The following CR1L variants were observed in gnomAD, a reference collection of about 807,000 sequenced individuals.
CR1L encodes complement component receptor 1-like protein.
Under a neutral mutation model 62.3 loss-of-function variants are expected in CR1L, and 59 were observed. The observed-to-expected ratio is 0.95, with a 90% confidence interval of 0.77 to 1.18. The LOEUF is 1.18. Among genes scored for constraint, CR1L ranks in the 50% most tolerant of loss-of-function variants. The pLI is 0.00. For missense variants in CR1L, 700 were observed against 702.8 expected, an observed-to-expected ratio of 1.00 and a Z score of 0.04; for synonymous variants, 279 against 248.7, an observed-to-expected ratio of 1.12 and a Z score of -1.15.
At chr1:207,691,782 T>C (rs927829899) in intron 4 of CR1L, among the ~76,000 whole-genome samples, 1 of 152,228 alleles carries the variant, frequency 6.6e-6, no homozygotes, top group Non-Finnish European at 1.5e-5. Context: ...TTAATTCCAT[T>C]TGTGTCCTCC....
intron 4 of CR1L, among the ~76,000 whole-genome samples, chr1:207,690,363 A>G (rs1663978847): frequency 6.6e-6 from 1 of 152,154 alleles, no homozygotes; most frequent in African/African-American, 2.4e-5. Flanking sequence ...GGCATTGCTT[A>G]ATTTCTAAAT....
chr1:207,701,867 A>G lies in CR1L; in HGVS notation c.1328+249A>G. On this transcript the variant is annotated intron_variant, in intron 9 of 11. Transcript: ENST00000508064. Reference sequence around the variant, plus strand: ...CACTGGATGGGAAGGAAAAAAAATTAGGAGTATAGTAGTCAAAGCACACAA... The same window carrying G: ...CACTGGATGGGAAGGAAAAAAAATTGGGAGTATAGTAGTCAAAGCACACAA... 12 of 654,296 alleles carry G rather than the reference A, an allele frequency of 1.8e-5. No individual in the cohort carries two copies. The South Asian group carries it at 1.8e-4, about 10-fold the overall frequency. The allele number at this position is 654,296 out of a possible 1,614,324, so 40.5% of individuals were successfully genotyped here. A position where few individuals can be genotyped will look rare whatever the true frequency, so the allele number is the denominator to read the frequency against.
chr1:207,692,055 TCAAA>T (rs1664005636), intron 4 of CR1L, among the ~76,000 whole-genome samples: 1 of 152,146 alleles, frequency 6.6e-6, no homozygotes, highest in Admixed American at 6.5e-5. Context: ...TGAAGACAGT[TCAAA>T]CAGTTAGCCA....
At chr1:207,682,717 A>G (rs760413057) in intron 3 of CR1L, among the ~76,000 whole-genome samples, 1 of 152,184 alleles carries the variant, frequency 6.6e-6, no homozygotes, top group Non-Finnish European at 1.5e-5. Context: ...TGCTTCATTC[A>G]TGTATAGTAC....
intron 1 of CR1L, among the ~76,000 whole-genome samples, chr1:207,648,926 A>G (rs1663179516): frequency 6.6e-6 from 1 of 152,134 alleles, no homozygotes; most frequent in South Asian, 2.1e-4. Flanking sequence ...TATTCTTCAC[A>G]TTGTTTTGTG....
At chr1:207,694,220 A>T in intron 4 of CR1L, 133 bp from the exon 5 acceptor site, 1 of 1,140,988 alleles carries the variant, frequency 8.8e-7, no homozygotes, top group Non-Finnish European at 1.2e-6. Context: ...CCAAAATTAC[A>T]ACTTTGTAAA....
rs372761694 is a variant in CR1L at position 207,678,216 on chromosome 1, C to T, written c.296C>T (p.Pro99Leu). The T allele has an allele frequency of 8.9e-5, 144 of 1,613,494 alleles. No homozygotes were observed. The highest frequency in any genetic ancestry group is 1.1e-4 in the Non-Finnish European group (131 of 1,179,598). ...CCTGTAGGTAAATCATGTCGTAATC[C>T]TCCAGATCCTGTGAATGGCATGGCA... ...DKCKRKSCRNPPDPVNGMAHV... is the reference protein window; with the variant it reads ...DKCKRKSCRNLPDPVNGMAHV... The change falls in exon 3 of 12, where the codon CCT becomes CTT. Residue 99 changes from proline to leucine, a missense_variant. By Grantham distance (98) the Pro-to-Leu change is moderately conservative. Transcript: ENST00000508064.
At chr1:207,701,754 G>C (rs1664196069) in intron 9 of CR1L, 136 bp downstream of exon 9, 8 of 1,169,756 alleles carry the variant, frequency 6.8e-6, no homozygotes, top group Non-Finnish European at 7.5e-6. Flanking sequence ...ACTCCTGATT[G>C]AAATGAACAA....
intron 3 of CR1L, among the ~76,000 whole-genome samples, chr1:207,682,428 C>T (rs960858425): frequency 6.6e-6 from 1 of 152,044 alleles, no homozygotes; most frequent in Admixed American, 6.5e-5. Context: ...CATTGCACTC[C>T]AGCCTGGGCG....
chr1:207,710,822 A>G, intron 10 of CR1L: 1 of 1,487,806 alleles, frequency 6.7e-7, no homozygotes, highest in Non-Finnish European at 9.3e-7. Context: ...CCTGCAAGTG[A>G]CATGCATTGC....
At position 207,677,547 on chromosome 1, in the gene CR1L, A is replaced by G. The variant is rs374138553; in HGVS notation, c.256A>G (p.Ser86Gly). The change falls in exon 2 of 12, where the codon AGT becomes GGT. Residue 86 changes from serine to glycine, a missense_variant. Physicochemically the swap from Ser to Gly is moderately conservative, Grantham distance 56. Transcript: ENST00000508064. ...CTGCCTAAAAAACTCAGTCTGGACAAGTGCTAAGGACAAGTGCAAACGTAA... is the reference window on the plus strand; with the variant it reads ...CTGCCTAAAAAACTCAGTCTGGACAGGTGCTAAGGACAAGTGCAAACGTAA... ...IICLKNSVWT[S>G]AKDKCKRKSC... is the part of the protein sequence containing the mutation. 11 of 1,613,750 alleles carry G rather than the reference A, an allele frequency of 6.8e-6. No individual in the cohort carries two copies. Among genetic ancestry groups the G allele is most frequent in the Middle Eastern group, 1.6e-4 (1 of 6,084 alleles).
intron 5 of CR1L, 22 bp from the exon 6 acceptor site, chr1:207,697,481 T>C (rs369756883): frequency 6.2e-7 from 1 of 1,613,752 alleles, no homozygotes; most frequent in Non-Finnish European, 8.5e-7. Flanking sequence ...CAATTAGCAG[T>C]ACTTTGTTTC....
chr1:207,695,623 G>T (rs1204011761), intron 5 of CR1L, among the ~76,000 whole-genome samples: 1 of 152,138 alleles, frequency 6.6e-6, no homozygotes, highest in East Asian at 1.9e-4. Flanking sequence ...GGCTGTATTA[G>T]ACTCTTCTCA....
intron 11 of CR1L, among the ~76,000 whole-genome samples, chr1:207,721,033 G>A (rs148974075): frequency 2.6e-5 from 4 of 152,170 alleles, no homozygotes; most frequent in African/African-American, 4.8e-5. Context: ...TGCATAGTTC[G>A]ATGCAACACA....
intron 10 of CR1L, among the ~76,000 whole-genome samples, chr1:207,713,303 C>T (rs1664391541): frequency 6.6e-6 from 1 of 152,134 alleles, no homozygotes; most frequent in South Asian, 2.1e-4. Flanking sequence ...CATAATAAGG[C>T]AAAGGTTGTT....
intron 1 of CR1L, chr1:207,652,421 A>C: frequency 6.1e-6 from 4 of 659,634 alleles, no homozygotes; most frequent in Non-Finnish European, 1.1e-5. Context: ...AGCATGGAAC[A>C]GTCATTTAAA....
In CR1L at chr1:207,677,527, T is replaced by A; in HGVS notation, c.236T>A (p.Leu79Gln). The A allele has an allele frequency of 6.2e-7, 1 of 1,613,874 alleles. No homozygotes were observed. The highest frequency in any genetic ancestry group is 1.1e-5 in the South Asian group (1 of 91,060). ...YSGRPFSIIC[L>Q]KNSVWTSAKD... Reference sequence around the variant, plus strand: ...GGAAGACCGTTTTCTATCATCTGCCTAAAAAACTCAGTCTGGACAAGTGCT... The same window carrying A: ...GGAAGACCGTTTTCTATCATCTGCCAAAAAAACTCAGTCTGGACAAGTGCT... The change falls in exon 2 of 12, where the codon CTA becomes CAA. Residue 79 changes from leucine (L) to glutamine (Q), a missense_variant. Transcript: ENST00000508064.
rs541036171 is a variant in CR1L, at chr1:207,646,879, A to T, written c.97+1549A>T. Among the ~76,000 whole-genome samples the T allele has an allele frequency of 2.0e-5, 3 of 152,290 alleles. No individual in the cohort carries two copies. The South Asian group carries it at 6.2e-4, about 32-fold the overall frequency. ...ATGTCCAAATTATATTTAGGATCTT[A>T]TTCCATGTACAGATTGTACGTTGCA... On this transcript the variant is annotated intron_variant, in intron 1 of 11. Transcript: ENST00000508064.
At chr1:207,675,556 A>G (rs1663677329) in intron 1 of CR1L, among the ~76,000 whole-genome samples, 1 of 152,240 alleles carries the variant, frequency 6.6e-6, no homozygotes, top group African/African-American at 2.4e-5. Context: ...GAGGGGACCC[A>G]GTGGTAAGAG....
Sources: gnomAD v4.1 joint callset for allele counts (sites outside exome capture counted in the v4.1 genomes callset) on GRCh38, gnomAD v4.1.1 for gene constraint, MANE v1.5 for transcripts, NCBI Gene and HGNC (gene_info 2026-07-23, HGNC 2026-07-21) for gene names.